The following RAD23B variants were observed in gnomAD, a reference collection of about 807,000 sequenced individuals.
RAD23B encodes the protein RAD23 nucleotide excision repair protein B, also known as lysine-specific demethylase RAD23B.
In RAD23B, 5 loss-of-function variants were observed where a neutral mutation model predicts 49.1. The observed-to-expected ratio is 0.10, with a 90% confidence interval of 0.05 to 0.21. The LOEUF (loss-of-function observed/expected upper bound fraction) is 0.21, where lower values mean the gene tolerates loss of function less well. RAD23B is among the 10% of genes least tolerant of loss of function. The pLI is 1.00. For missense variants in RAD23B, 356 were observed against 486.7 expected, an observed-to-expected ratio of 0.73 and a Z score of 2.53; for synonymous variants, 184 against 165.4, an observed-to-expected ratio of 1.11 and a Z score of -0.86.
chr9:107,312,767 A>T (rs2133085977), intron 5 of RAD23B, among the ~76,000 whole-genome samples: 1 of 152,250 alleles, frequency 6.6e-6, no homozygotes, highest in African/African-American at 2.4e-5. Context: ...GGAAAATAGG[A>T]TTACCCAGAG....
Position 107,283,420 on chromosome 9 carries a change from G to C in RAD23B, c.-210G>C. ...CACGGCGGCCCGAGTTCGCGGGGAA[G>C]GCCGCAGTCGCGGAGGCAGCGGCGC... On this transcript the variant is annotated 5_prime_UTR_variant, in exon 1 of 10. Coordinates refer to ENST00000358015, the MANE Select transcript of RAD23B (RefSeq NM_002874.5). 2.3e-6 allele frequency: 1 copy of C among 430,980 alleles called. No individual in the cohort carries two copies. Among genetic ancestry groups the C allele is most frequent in the Middle Eastern group, 5.9e-4 (1 of 1,686 alleles). 26.7% of individuals were successfully genotyped at this position (430,980 alleles called of 1,614,324 possible).
chr9:107,297,351 G>GT lies in RAD23B; in HGVS notation c.67-2785dup, dbSNP rs543791881. 1.5e-4 allele frequency among the ~76,000 whole-genome samples: 23 copies of GT among 151,634 alleles called. No individual in the cohort carries two copies. In the East Asian group the frequency reaches 3.9e-3, roughly 26 times the overall value. On this transcript the variant is annotated intron_variant, in intron 1 of 9. Coordinates refer to ENST00000358015, the MANE Select transcript of RAD23B (RefSeq NM_002874.5). ...TAATATTCTGTGTTTGTTTTGTTTTGTTTTTGAGACAGAATCTTGCTCTTG... is the reference window on the plus strand; with the variant it reads ...TAATATTCTGTGTTTGTTTTGTTTTGTTTTTTGAGACAGAATCTTGCTCTTG...
At chr9:107,290,281 G>A (rs1833354385) in intron 1 of RAD23B, among the ~76,000 whole-genome samples, 1 of 152,122 alleles carries the variant, frequency 6.6e-6, no homozygotes. Flanking sequence ...CTTTTCCACT[G>A]TACCTCATCC....
chr9:107,293,401 TAAA>T (rs1298538482), intron 1 of RAD23B, among the ~76,000 whole-genome samples: 1 of 152,194 alleles, frequency 6.6e-6, no homozygotes, highest in Non-Finnish European at 1.5e-5. Flanking sequence ...TAGTACAGAT[TAAA>T]AGAGTTAATT....
At chr9:107,294,379 T>A (rs577812459) in intron 1 of RAD23B, among the ~76,000 whole-genome samples, 5 of 152,198 alleles carry the variant, frequency 3.3e-5, no homozygotes, top group Non-Finnish European at 5.9e-5. Context: ...CAATGAAAGT[T>A]CTAGCCTTGG....
rs779651722 is a variant in RAD23B at position 107,301,998 on chromosome 9, A to C, written c.149-37A>C. 3 of 1,602,996 alleles carry C rather than the reference A, an allele frequency of 1.9e-6. No individual in the cohort carries two copies. In the Admixed American group the frequency reaches 5.2e-5, roughly 28 times the overall value. On this transcript the variant is annotated intron_variant, in intron 2 of 9. Transcript: ENST00000358015. ...TTAACTGAAGTGTAAGAGAAAGATT[A>C]TGCCTTAAATGATTTTTTTTTCTCT...
intron 3 of RAD23B, among the ~76,000 whole-genome samples, chr9:107,306,059 A>ATG (rs1564245494): frequency 1.7e-5 from 2 of 114,832 alleles, no homozygotes. Context: ...ATCTATATAT[A>ATG]TATATATATA....
At chr9:107,283,828 CG>C in intron 1 of RAD23B, 133 bp downstream of exon 1, 1 of 937,436 alleles carries the variant, frequency 1.1e-6, no homozygotes. Flanking sequence ...GTCCTGGTGC[CG>C]GCCCTGGCGG....
At chr9:107,294,827 A>T (rs1826466079) in intron 1 of RAD23B, among the ~76,000 whole-genome samples, 1 of 152,200 alleles carries the variant, frequency 6.6e-6, no homozygotes, top group African/African-American at 2.4e-5. Context: ...ACGATGGATT[A>T]TCCTGGAAGT....
At chr9:107,308,240 A>G (rs991942798) in intron 4 of RAD23B, among the ~76,000 whole-genome samples, 6 of 143,654 alleles carry the variant, frequency 4.2e-5, no homozygotes, top group African/African-American at 1.6e-4. Flanking sequence ...TTTTTTGGAG[A>G]CAGAGTCTTG....
intron 3 of RAD23B, among the ~76,000 whole-genome samples, chr9:107,302,709 G>A (rs373606664): frequency 2.0e-5 from 3 of 150,414 alleles, no homozygotes; most frequent in Non-Finnish European, 4.4e-5. Flanking sequence ...AGGCTGGAGC[G>A]CAGTGACGCT....
At chr9:107,325,034 A>G (rs887993985) in intron 9 of RAD23B, 30 bp downstream of exon 9, 2 of 1,593,894 alleles carry the variant, frequency 1.3e-6, no homozygotes, top group South Asian at 1.1e-5. Flanking sequence ...TAAAAAAATT[A>G]GTTCTTGGCT....
Position 107,325,015 on chromosome 9 carries a change from G to A in RAD23B, c.1116+11G>A. 1 of 1,609,836 alleles carries A rather than the reference G, an allele frequency of 6.2e-7. No homozygotes were observed. The highest frequency in any genetic ancestry group is 8.5e-7 in the Non-Finnish European group (1 of 1,177,516). On this transcript the variant is annotated intron_variant, in intron 9 of 9. Transcript: ENST00000358015. ...GAAGCTATAGAAAGGGTGAGTTTAA[G>A]TAAAACTTTAAAAAAATTAGTTCTT...
Position 107,307,944 on chromosome 9 carries a change from T to G in RAD23B, c.497+1297T>G, listed in dbSNP as rs532335863. 8.5e-5 allele frequency among the ~76,000 whole-genome samples: 13 copies of G among 152,336 alleles called. No individual in the cohort carries two copies. The East Asian group carries it at 1.9e-3, about 23-fold the overall frequency. On this transcript the variant is annotated intron_variant, in intron 4 of 9. Transcript: ENST00000358015. Reference sequence around the variant, plus strand: ...CATTCAACCATCTTATCCTAGTGGATACCACCTAGAGTCAGGTTAAGCTGT... The same window carrying G: ...CATTCAACCATCTTATCCTAGTGGAGACCACCTAGAGTCAGGTTAAGCTGT...
intron 9 of RAD23B, among the ~76,000 whole-genome samples, chr9:107,325,568 C>T (rs573985917): frequency 1.3e-5 from 2 of 152,120 alleles, no homozygotes; most frequent in African/African-American, 4.8e-5. Flanking sequence ...TATAAAAATA[C>T]AATTTAATTG....
At chr9:107,327,581 TCTC>T (rs1167163943) in intron 9 of RAD23B, among the ~76,000 whole-genome samples, 11 of 152,204 alleles carry the variant, frequency 7.2e-5, no homozygotes, top group African/African-American at 2.7e-4. Context: ...TCCCACATTT[TCTC>T]CTTTCGATTT....
At chr9:107,327,446 A>G (rs1375299892) in intron 9 of RAD23B, among the ~76,000 whole-genome samples, 2 of 152,182 alleles carry the variant, frequency 1.3e-5, no homozygotes, top group East Asian at 3.8e-4. Flanking sequence ...GTAGCATCCC[A>G]TAAGTTTTAG....
At chr9:107,314,341 A>G (rs1482862918) in intron 5 of RAD23B, among the ~76,000 whole-genome samples, 1 of 151,642 alleles carries the variant, frequency 6.6e-6, no homozygotes, top group Non-Finnish European at 1.5e-5. Context: ...TTGAACCCAC[A>G]CTCCACTCCC....
Position 107,318,902 on chromosome 9 carries a change from C to T in RAD23B, c.681+23C>T, listed in dbSNP as rs1248831662. The T allele has an allele frequency of 1.3e-6, 2 of 1,591,962 alleles. No homozygotes were observed. The highest frequency in any genetic ancestry group is 1.1e-5 in the South Asian group (1 of 88,332). ...ATGGTGAGAAATATGTTTTACTTTACTCCATTCTGTTGTTTAAGATTAAAA... is the reference window on the plus strand; with the variant it reads ...ATGGTGAGAAATATGTTTTACTTTATTCCATTCTGTTGTTTAAGATTAAAA... On this transcript the variant is annotated intron_variant, in intron 6 of 9. Transcript: ENST00000358015. The surrounding 1 kb of genome is among the most constrained non-coding windows in gnomAD (Gnocchi z 4.3).
Sources: allele counts gnomAD v4.1 joint callset (sites outside exome capture counted in the v4.1 genomes callset), GRCh38; gene constraint gnomAD v4.1.1; non-coding constraint Gnocchi (gnomAD v3.1); transcripts MANE v1.5; gene names NCBI Gene and HGNC (gene_info 2026-07-23, HGNC 2026-07-21).